CCDC169: variants seen among roughly 807,000 people sequenced by gnomAD.
The protein encoded by CCDC169 is coiled-coil domain-containing protein 169.
In CCDC169, 30 loss-of-function variants were observed where a neutral mutation model predicts 36.0. That is an observed-to-expected ratio of 0.83 (90% CI 0.62 to 1.13). CCDC169 has a LOEUF of 1.13. Ranked by LOEUF, CCDC169 falls within the 50% of genes most tolerant of loss-of-function variation. The probability of loss-of-function intolerance (pLI) is 0.00; values close to 1 mark genes in which losing one functional copy is unlikely to be tolerated. For missense variants in CCDC169, 245 were observed against 245.9 expected, an observed-to-expected ratio of 1.00 and a Z score of 0.03; for synonymous variants, 85 against 81.5, an observed-to-expected ratio of 1.04 and a Z score of -0.23.
intron 7 of CCDC169, among the ~76,000 whole-genome samples, chr13:36,242,717 T>C (rs917097459): frequency 7.9e-5 from 12 of 152,152 alleles, no homozygotes; most frequent in Non-Finnish European, 1.6e-4. Context: ...ATGGAAGTGA[T>C]TGATCTGGGA....
chr13:36,290,013 T>C (rs1878675522), intron 2 of CCDC169, among the ~76,000 whole-genome samples: 1 of 152,150 alleles, frequency 6.6e-6, no homozygotes, highest in Non-Finnish European at 1.5e-5. Flanking sequence ...TGTCACCACC[T>C]CCAGCCCCTT....
intron 4 of CCDC169, among the ~76,000 whole-genome samples, chr13:36,256,915 T>C (rs189504711): frequency 5.9e-5 from 9 of 152,282 alleles, no homozygotes; most frequent in Non-Finnish European, 5.9e-5. Flanking sequence ...ACATCACTAA[T>C]TACTACTGCC....
chr13:36,243,782 G>A (rs2138430720), intron 7 of CCDC169, among the ~76,000 whole-genome samples: 1 of 152,166 alleles, frequency 6.6e-6, no homozygotes, highest in African/African-American at 2.4e-5. Flanking sequence ...CTACAGCCTG[G>A]GCAACAAGAG....
intron 4 of CCDC169, chr13:36,282,430 C>G (rs1877649066): frequency 1.0e-6 from 1 of 985,360 alleles, no homozygotes; most frequent in Non-Finnish European, 1.2e-6. Context: ...AGTAATTGGA[C>G]ACTTCTATCG....
At chr13:36,262,893 C>T (rs981445907) in intron 4 of CCDC169, among the ~76,000 whole-genome samples, 3 of 152,050 alleles carry the variant, frequency 2.0e-5, no homozygotes, top group African/African-American at 7.2e-5. Context: ...GCTCTGGGGA[C>T]ATATAAAGCA....
At chr13:36,272,130 T>C (rs2138563994) in intron 4 of CCDC169, among the ~76,000 whole-genome samples, 1 of 143,084 alleles carries the variant, frequency 7.0e-6, no homozygotes, top group East Asian at 2.1e-4. Context: ...TAAAATAAAA[T>C]AAAACTACAC....
At chr13:36,231,876 G>T (rs9531639) in intron 7 of CCDC169, among the ~76,000 whole-genome samples, 61,509 of 151,702 alleles carry the variant, frequency 0.41, 13,217 homozygotes, top group Non-Finnish European at 0.48. Context: ...TTGTAATTTT[G>T]TTTTGAAAAC....
In CCDC169 at chr13:36,286,812, G is replaced by T. The variant is rs1157535512; in HGVS notation, c.164-3110C>A. On this transcript the variant is annotated intron_variant, in intron 2 of 7. Coordinates refer to ENST00000239859, the MANE Select transcript of CCDC169 (RefSeq NM_001144981.3). ...TCTAGGGTGCTGAGGCTCTCCCTAA[G>T]AGGAGATAAACAAGAGAGGTAGGGG... Among the ~76,000 whole-genome samples, 4 of 152,140 alleles carry T rather than the reference G, an allele frequency of 2.6e-5. No homozygotes were observed. In the East Asian group the frequency reaches 7.7e-4, roughly 29 times the overall value.
chr13:36,230,768 T>C (rs1870331150), downstream of CCDC169: 1 of 986,704 alleles, frequency 1.0e-6, no homozygotes, highest in South Asian at 4.7e-5. Flanking sequence ...AAAATGGACT[T>C]GATTTTCGGC....
Position 36,255,027 on chromosome 13 carries a change from A to AT in CCDC169, c.316-885dup, listed in dbSNP as rs1040650243. Among the ~76,000 whole-genome samples, 109 of 149,942 alleles carry AT rather than the reference A, an allele frequency of 7.3e-4. 2 individuals carry two copies. Among genetic ancestry groups the AT allele is most frequent in the Admixed American group, 5.5e-3 (83 of 15,108 alleles). ...TAGCTGGCTTCTGCCTGTTGTGGTCATTTTTTTTTCCAGAGTGCCCAGAGT... is the reference window on the plus strand; with the variant it reads ...TAGCTGGCTTCTGCCTGTTGTGGTCATTTTTTTTTTCCAGAGTGCCCAGAGT... On this transcript the variant is annotated intron_variant, in intron 4 of 7. Transcript: ENST00000239859.
intron 2 of CCDC169, among the ~76,000 whole-genome samples, chr13:36,294,187 C>T (rs1048408810): frequency 3.3e-5 from 5 of 152,164 alleles, no homozygotes; most frequent in East Asian, 1.9e-4. Flanking sequence ...ATCATTCTGA[C>T]GTTTTCTCTT....
At chr13:36,244,595 T>C (rs990415307) in intron 7 of CCDC169, 1 of 152,082 alleles carries the variant, frequency 6.6e-6, no homozygotes, top group East Asian at 1.9e-4. Context: ...TTGCTTTGTA[T>C]TCCTTAGCTA....
At chr13:36,233,771 A>G (rs1870731086) in intron 7 of CCDC169, among the ~76,000 whole-genome samples, 1 of 152,240 alleles carries the variant, frequency 6.6e-6, no homozygotes, top group Admixed American at 6.5e-5. Context: ...AAGAGATAAC[A>G]AAGAATAAAG....
intron 7 of CCDC169, among the ~76,000 whole-genome samples, chr13:36,240,176 A>G (rs577623231): frequency 6.6e-6 from 1 of 152,134 alleles, no homozygotes; most frequent in East Asian, 1.9e-4. Flanking sequence ...ACTGTACTGT[A>G]TTAGTTACAC....
At chr13:36,232,365 T>C (rs939097059) in intron 7 of CCDC169, among the ~76,000 whole-genome samples, 1 of 152,242 alleles carries the variant, frequency 6.6e-6, no homozygotes, top group Admixed American at 6.5e-5. Context: ...GACATGGAGA[T>C]GGTCCAGTGT....
At chr13:36,256,949 G>C (rs562549486) in intron 4 of CCDC169, among the ~76,000 whole-genome samples, 1 of 152,210 alleles carries the variant, frequency 6.6e-6, no homozygotes, top group Non-Finnish European at 1.5e-5. Context: ...GCAGCAGCTG[G>C]GTAGGCACTG....
Position 36,283,070 on chromosome 13 carries a change from AT to A in CCDC169, c.315+398del, listed in dbSNP as rs201096006. The A allele has an allele frequency of 4.3e-3, 813 of 190,066 alleles. 9 individuals are homozygous for A. Among genetic ancestry groups the A allele is most frequent in the African/African-American group, 0.018 (779 of 42,528 alleles). 11.8% of individuals were successfully genotyped at this position (190,066 alleles called of 1,614,324 possible). A position where few individuals can be genotyped will look rare whatever the true frequency, so the allele number is the denominator to read the frequency against. Reference sequence around the variant, plus strand: ...CTCTATGACAGCACATGGGAAAACAATTTTTCGAGTTAGAAAAATTCCTGAC... The same window carrying A: ...CTCTATGACAGCACATGGGAAAACAATTTTCGAGTTAGAAAAATTCCTGAC... On this transcript the variant is annotated intron_variant, in intron 4 of 7. Coordinates refer to ENST00000239859, the MANE Select transcript of CCDC169 (RefSeq NM_001144981.3).
intron 4 of CCDC169, among the ~76,000 whole-genome samples, chr13:36,266,291 C>T (rs374428197): frequency 1.3e-5 from 2 of 152,198 alleles, no homozygotes; most frequent in South Asian, 4.2e-4. Flanking sequence ...AGGGGGAAAC[C>T]AGTTGTCTTG....
chr13:36,275,218 A>G (rs550474595), intron 4 of CCDC169, among the ~76,000 whole-genome samples: 1 of 150,206 alleles, frequency 6.7e-6, no homozygotes, highest in Non-Finnish European at 1.5e-5. Flanking sequence ...AAAAAAAAGT[A>G]AAAAAAAAAT....
Sources: allele counts gnomAD v4.1 joint callset (sites outside exome capture counted in the v4.1 genomes callset), GRCh38; gene constraint gnomAD v4.1.1; transcripts MANE v1.5; gene names NCBI Gene and HGNC (gene_info 2026-07-23, HGNC 2026-07-21).